The following SLC7A2 variants were observed in gnomAD, a reference collection of about 807,000 sequenced individuals.
SLC7A2 encodes the protein solute carrier family 7 member 2.
In SLC7A2, 48 loss-of-function variants were observed where a neutral mutation model predicts 58.9. The observed-to-expected ratio is 0.82, with a 90% confidence interval of 0.65 to 1.04. SLC7A2 has a LOEUF of 1.04. SLC7A2 is among the 50% of genes least tolerant of loss of function. The probability of loss-of-function intolerance (pLI) is 0.00; values close to 1 mark genes in which losing one functional copy is unlikely to be tolerated. For missense variants in SLC7A2, 1,029 were observed against 818.8 expected, an observed-to-expected ratio of 1.26 and a Z score of -3.13; for synonymous variants, 363 against 314.5, an observed-to-expected ratio of 1.15 and a Z score of -1.63.
chr8:17,545,490 C>T (rs2517253), intron 4 of SLC7A2, among the ~76,000 whole-genome samples: 5 of 148,408 alleles, frequency 3.4e-5, no homozygotes, highest in African/African-American at 5.0e-5. Flanking sequence ...CTCCGTCTCC[C>T]GGGTGCAAGC....
chr8:17,526,324 C>T lies in SLC7A2; in HGVS notation c.-22-16994C>T, dbSNP rs570986134. Among the ~76,000 whole-genome samples the T allele has an allele frequency of 1.8e-4, 27 of 152,142 alleles. No individual in the cohort carries two copies. In the South Asian group the frequency reaches 2.3e-3, roughly 13 times the overall value. ...ATTGGAAGCTTGTAAAATAGGAAGG[C>T]GAACAAGAAAGGAGAGGCCTGGTAT... On this transcript the variant is annotated intron_variant, in intron 2 of 12. Coordinates refer to ENST00000494857, the MANE Select transcript of SLC7A2 (RefSeq NM_001370338.1).
chr8:17,562,125 G>T lies in SLC7A2; in HGVS notation c.1671+15G>T, dbSNP rs367558937. 3.7e-5 allele frequency: 58 copies of T among 1,586,972 alleles called. No homozygotes were observed. Among genetic ancestry groups the T allele is most frequent in the Non-Finnish European group, 3.7e-5 (43 of 1,164,826 alleles). On this transcript the variant is annotated intron_variant, in intron 11 of 12. Transcript: ENST00000494857. ...TAGCCTTCATGGTATGTGTAATGAG[G>T]ATTAGAGACCCAAAATACTGTATTC...
intron 11 of SLC7A2, among the ~76,000 whole-genome samples, chr8:17,562,641 A>C (rs73560691): frequency 0.012 from 1,798 of 152,174 alleles, 41 homozygotes; most frequent in African/African-American, 0.04. Context: ...GAATCCTTCG[A>C]TATGTTCCTT....
chr8:17,500,799 TACACACACACACACACACACACACAC>T (rs60002166), intron 1 of SLC7A2, among the ~76,000 whole-genome samples: 3 of 146,034 alleles, frequency 2.1e-5, no homozygotes, highest in Admixed American at 1.4e-4. Context: ...AACACACACA[TACACACACACACACACACACACACAC>T]ACACACACAC....
chr8:17,512,162 C>G (rs189742718), intron 2 of SLC7A2, among the ~76,000 whole-genome samples: 4 of 152,016 alleles, frequency 2.6e-5, no homozygotes, highest in East Asian at 1.9e-4. Context: ...GGCTTTAATT[C>G]GTGTTTCTCT....
At position 17,507,652 on chromosome 8, in the gene SLC7A2, T is replaced by A. The variant is rs199523585; in HGVS notation, c.-23+5350T>A. 8.1e-3 allele frequency among the ~76,000 whole-genome samples: 1,239 copies of A among 152,280 alleles called. 22 individuals are homozygous for A. The highest frequency in any genetic ancestry group is 0.064 in the South Asian group (309 of 4,822). On this transcript the variant is annotated intron_variant, in intron 2 of 12. Transcript: ENST00000494857. ...ACATATTGAAATATTCTGTGTCCTA[T>A]AAATATGTACAATTATTACATGTCA...
At chr8:17,558,040 A>G (rs897858242) in intron 8 of SLC7A2, among the ~76,000 whole-genome samples, 3 of 152,068 alleles carry the variant, frequency 2.0e-5, no homozygotes, top group Non-Finnish European at 4.4e-5. Flanking sequence ...CAGGCCAAAT[A>G]TTTTTTATGT....
intron 4 of SLC7A2, among the ~76,000 whole-genome samples, chr8:17,547,946 A>G (rs906780998): frequency 1.3e-5 from 2 of 152,168 alleles, no homozygotes; most frequent in Middle Eastern, 3.2e-3. Context: ...AAATGAGAAT[A>G]GGTTTAACAA....
rs200161408 is a variant in SLC7A2, at chr8:17,554,586, C to G, written c.1082C>G (p.Pro361Arg). The change falls in exon 8 of 13, where the codon CCT (proline) becomes CGT (arginine). Residue 361 changes from proline to arginine, a missense_variant. Physicochemically the swap from Pro to Arg is moderately radical, Grantham distance 103. Transcript: ENST00000494857. ...CTTCTTGGATCCATTTTCCCAATGC[C>G]TCGTGTAATCTATGCTATGGCGGAG... is the stretch of plus-strand genomic sequence containing the variant. ...TSLLGSIFPM[P>R]RVIYAMAEDG... is the part of the protein sequence containing the mutation. The G allele has an allele frequency of 3.1e-6, 5 of 1,605,966 alleles. No individual in the cohort carries two copies. Among genetic ancestry groups the G allele is most frequent in the African/African-American group, 2.7e-5 (2 of 74,746 alleles).
intron 2 of SLC7A2, among the ~76,000 whole-genome samples, chr8:17,510,219 CAAAAT>C (rs1199403821): frequency 2.2e-5 from 3 of 136,342 alleles, no homozygotes; most frequent in Admixed American, 1.6e-4. Flanking sequence ...GACTCTGTCT[CAAAAT>C]AAACAAATAA....
chr8:17,520,745 C>A, intron 2 of SLC7A2: 1 of 939,194 alleles, frequency 1.1e-6, no homozygotes, highest in Non-Finnish European at 1.3e-6. Context: ...TGAGAAGGAC[C>A]TTGAGAGGAA....
chr8:17,544,709 A>G, intron 4 of SLC7A2, 103 bp downstream of exon 4: 1 of 949,574 alleles, frequency 1.1e-6, no homozygotes, highest in Non-Finnish European at 1.6e-6. Context: ...AGATGAGATT[A>G]GTATATTTAC....
At chr8:17,494,236 T>C (rs1377236265), upstream of SLC7A2, among the ~76,000 whole-genome samples, 6 of 152,212 alleles carry the variant, frequency 3.9e-5, no homozygotes, top group South Asian at 8.3e-4. Flanking sequence ...AGATTTACTT[T>C]AGGTTGTATT....
intron 2 of SLC7A2, among the ~76,000 whole-genome samples, chr8:17,527,074 A>T (rs1347288385): frequency 6.6e-6 from 1 of 152,156 alleles, no homozygotes; most frequent in East Asian, 1.9e-4. Flanking sequence ...AAAATCATTC[A>T]TTTGGATTAA....
chr8:17,498,949 C>G (rs1259661624), intron 1 of SLC7A2: 1 of 152,172 alleles, frequency 6.6e-6, no homozygotes, highest in Non-Finnish European at 1.5e-5. Flanking sequence ...ATCTTGCATT[C>G]TCATGTATCT....
At chr8:17,559,561 T>C (rs10107764) in intron 9 of SLC7A2, among the ~76,000 whole-genome samples, 2,670 of 152,020 alleles carry the variant, frequency 0.018, 85 homozygotes, top group African/African-American at 0.061. Context: ...AGCGAAACTC[T>C]GTCTCAAAAA....
At chr8:17,501,426 A>C (rs1800155432) in intron 1 of SLC7A2, among the ~76,000 whole-genome samples, 1 of 152,170 alleles carries the variant, frequency 6.6e-6, no homozygotes, top group Admixed American at 6.5e-5. Flanking sequence ...TGAGTTAATA[A>C]GGCTATTTTA....
chr8:17,552,981 C>G (rs935303756), intron 7 of SLC7A2, among the ~76,000 whole-genome samples: 1 of 152,140 alleles, frequency 6.6e-6, no homozygotes, highest in Non-Finnish European at 1.5e-5. Flanking sequence ...TTCAAACTCC[C>G]TTTTATTTTC....
chr8:17,522,279 A>G lies in SLC7A2; in HGVS notation c.-23+19977A>G, dbSNP rs190396418. Among the ~76,000 whole-genome samples the G allele has an allele frequency of 2.4e-4, 37 of 152,258 alleles. No homozygotes were observed. In the East Asian group the frequency reaches 6.0e-3, roughly 25 times the overall value. ...TCAAATCTCGTGAGACTTATTAACTACCATGAGAACAGTGTGGGGGAAACT... is the reference window on the plus strand; with the variant it reads ...TCAAATCTCGTGAGACTTATTAACTGCCATGAGAACAGTGTGGGGGAAACT... On this transcript the variant is annotated intron_variant, in intron 2 of 12. Transcript: ENST00000494857.
Sources: gnomAD v4.1 joint callset for allele counts (sites outside exome capture counted in the v4.1 genomes callset) on GRCh38, gnomAD v4.1.1 for gene constraint, MANE v1.5 for transcripts, NCBI Gene and HGNC (gene_info 2026-07-23, HGNC 2026-07-21) for gene names.